Variants in ATL2 observed in about 807,000 individuals in gnomAD.
The protein encoded by ATL2 is atlastin-2.
ATL2 carries 31 observed loss-of-function variants against 73.9 expected under a neutral mutation model. The ratio of observed to expected loss-of-function variants is 0.42; its 90% confidence interval spans 0.32 to 0.57. ATL2 has a LOEUF of 0.57. Ranked by LOEUF, ATL2 falls within the 20% of genes least tolerant of loss-of-function variation. The pLI is 0.14. For missense variants in ATL2, 738 were observed against 702.6 expected, an observed-to-expected ratio of 1.05 and a Z score of -0.57; for synonymous variants, 291 against 237.5, an observed-to-expected ratio of 1.23 and a Z score of -2.07.
intron 9 of ATL2, among the ~76,000 whole-genome samples, chr2:38,300,631 T>C (rs924307975): frequency 4.6e-5 from 7 of 152,090 alleles, no homozygotes; most frequent in African/African-American, 1.7e-4. Context: ...TTGCCAGTGT[T>C]TTAATATTTT....
intron 1 of ATL2, among the ~76,000 whole-genome samples, chr2:38,375,110 G>C (rs1331858532): frequency 1.3e-5 from 2 of 152,090 alleles, no homozygotes; most frequent in African/African-American, 2.4e-5. Flanking sequence ...ATTCCTAAAA[G>C]AATAAACACA....
At chr2:38,310,581 T>A (rs1399324103) in intron 7 of ATL2, 134 bp from the exon 8 acceptor site, 3 of 530,220 alleles carry the variant, frequency 5.7e-6, no homozygotes, top group Non-Finnish European at 5.8e-6. Flanking sequence ...TTTTTGACAA[T>A]ACAAAAAATT....
At chr2:38,355,868 G>C (rs1253057150) in intron 1 of ATL2, among the ~76,000 whole-genome samples, 1 of 151,520 alleles carries the variant, frequency 6.6e-6, no homozygotes, top group Admixed American at 6.6e-5. Context: ...CCTAATTTTT[G>C]TATTTTTAGT....
At chr2:38,296,690 C>T in intron 12 of ATL2, 1 of 1,559,358 alleles carries the variant, frequency 6.4e-7, no homozygotes, top group Non-Finnish European at 8.7e-7. Flanking sequence ...TCTCACCTTC[C>T]TGGGACTCCT....
chr2:38,355,368 G>A (rs967133648), intron 1 of ATL2, among the ~76,000 whole-genome samples: 6 of 151,926 alleles, frequency 3.9e-5, no homozygotes, highest in African/African-American at 1.5e-4. Flanking sequence ...CTCCCTCATC[G>A]GCCTCCCAAA....
intron 1 of ATL2, among the ~76,000 whole-genome samples, chr2:38,357,363 T>C (rs970887034): frequency 6.6e-6 from 1 of 151,444 alleles, no homozygotes; most frequent in Non-Finnish European, 1.5e-5. Flanking sequence ...TTATAGTTAC[T>C]ATATATATGT....
In ATL2 at chr2:38,354,442, G is replaced by T. The variant is rs374417861; in HGVS notation, c.119-10930C>A. On this transcript the variant is annotated intron_variant, in intron 1 of 12. Coordinates refer to ENST00000378954, the MANE Select transcript of ATL2 (RefSeq NM_001135673.4). ...AAAATTTTAAAAGACATGTTATGAGGCAAAGTAAATGAAATTACACCCTAA... is the reference window on the plus strand; with the variant it reads ...AAAATTTTAAAAGACATGTTATGAGTCAAAGTAAATGAAATTACACCCTAA... Among the ~76,000 whole-genome samples the T allele has an allele frequency of 1.4e-4, 22 of 152,188 alleles. No individual in the cohort carries two copies. The East Asian group carries it at 4.2e-3, about 29-fold the overall frequency.
At chr2:38,337,312 C>G (rs1407855313) in intron 2 of ATL2, among the ~76,000 whole-genome samples, 10 of 151,004 alleles carry the variant, frequency 6.6e-5, no homozygotes, top group African/African-American at 2.4e-4. Flanking sequence ...TGGTGAAACC[C>G]CTATCTCTAT....
chr2:38,315,164 T>A lies in ATL2; in HGVS notation c.654+120A>T, dbSNP rs150251454. Reference sequence around the variant, plus strand: ...TACTTGGGAGGCTGAGGCAGGAGAATCCCTTGAACTTGGGAGGGGGAGGTT... The same window carrying A: ...TACTTGGGAGGCTGAGGCAGGAGAAACCCTTGAACTTGGGAGGGGGAGGTT... On this transcript the variant is annotated intron_variant, in intron 5 of 12. Coordinates refer to ENST00000378954, the MANE Select transcript of ATL2 (RefSeq NM_001135673.4). The A allele has an allele frequency of 7.1e-4, 711 of 1,005,438 alleles. 6 individuals carry two copies. The East Asian group carries it at 0.022, about 31-fold the overall frequency. 62.3% of individuals were successfully genotyped at this position (1,005,438 alleles called of 1,614,324 possible).
intron 2 of ATL2, among the ~76,000 whole-genome samples, chr2:38,333,013 G>A (rs1669090274): frequency 6.6e-6 from 1 of 152,166 alleles, no homozygotes; most frequent in South Asian, 2.1e-4. Flanking sequence ...GCAACAGAGT[G>A]AGACTTGATC....
Position 38,369,510 on chromosome 2 carries a change from A to T in ATL2, c.118+7633T>A, listed in dbSNP as rs1671542303. Among the ~76,000 whole-genome samples the T allele has an allele frequency of 2.0e-5, 3 of 150,834 alleles. No individual in the cohort carries two copies. In the South Asian group the frequency reaches 6.3e-4, roughly 32 times the overall value. ...ACTATGTTGGTCAGGCTGGTCTCGAACTCCTGACTTTGTCATCCACCCGCC... is the reference window on the plus strand; with the variant it reads ...ACTATGTTGGTCAGGCTGGTCTCGATCTCCTGACTTTGTCATCCACCCGCC... On this transcript the variant is annotated intron_variant, in intron 1 of 12. Transcript: ENST00000378954.
At position 38,375,627 on chromosome 2, in the gene ATL2, C is replaced by CA. The variant is rs376199618; in HGVS notation, c.118+1515dup. On this transcript the variant is annotated intron_variant, in intron 1 of 12. Transcript: ENST00000378954. Reference sequence around the variant, plus strand: ...GAAACTGCATCTAAAACTCTTACCTCAAAAAAAGGAAAGAAAGAAAGAGAA... The same window carrying CA: ...GAAACTGCATCTAAAACTCTTACCTCAAAAAAAAGGAAAGAAAGAAAGAGAA... 2.3e-3 allele frequency among the ~76,000 whole-genome samples: 354 copies of CA among 151,980 alleles called. 5 individuals carry two copies. The highest frequency in any genetic ancestry group is 8.2e-3 in the African/African-American group (341 of 41,470).
chr2:38,310,707 G>A (rs1013956445), intron 7 of ATL2, among the ~76,000 whole-genome samples: 13 of 148,400 alleles, frequency 8.8e-5, no homozygotes, highest in East Asian at 2.0e-4. Context: ...GTGCAATCTC[G>A]GCTCACCGCA....
At chr2:38,364,768 G>C (rs1671209370) in intron 1 of ATL2, among the ~76,000 whole-genome samples, 1 of 152,244 alleles carries the variant, frequency 6.6e-6, no homozygotes, top group South Asian at 2.1e-4. Context: ...TTGTTGGCTA[G>C]GCACAGTGGC....
chr2:38,354,344 T>A (rs1168060770), intron 1 of ATL2, among the ~76,000 whole-genome samples: 2 of 152,226 alleles, frequency 1.3e-5, no homozygotes, highest in Non-Finnish European at 2.9e-5. Context: ...TATAAAAGAC[T>A]GGTTCTTTCT....
At chr2:38,337,316 T>A (rs1014799169) in intron 2 of ATL2, among the ~76,000 whole-genome samples, 2 of 150,912 alleles carry the variant, frequency 1.3e-5, no homozygotes, top group African/African-American at 2.4e-5. Context: ...GAAACCCCTA[T>A]CTCTATTAAA....
chr2:38,366,033 A>G (rs1671311177), intron 1 of ATL2, among the ~76,000 whole-genome samples: 1 of 152,054 alleles, frequency 6.6e-6, no homozygotes, highest in Non-Finnish European at 1.5e-5. Flanking sequence ...CCGTGAAAAG[A>G]AGGGAATGGT....
At chr2:38,303,235 T>C (rs1204231557) in intron 9 of ATL2, among the ~76,000 whole-genome samples, 1 of 152,146 alleles carries the variant, frequency 6.6e-6, no homozygotes, top group Non-Finnish European at 1.5e-5. Flanking sequence ...AGACAGGGTT[T>C]TGCTCTGTCT....
upstream of ATL2, chr2:38,377,409 C>A (rs1244162600): frequency 4.8e-6 from 3 of 628,046 alleles, no homozygotes; most frequent in Admixed American, 6.9e-5. Flanking sequence ...CCTCGCCCTC[C>A]GCCTGTATCT....
Sources: allele counts gnomAD v4.1 joint callset (sites outside exome capture counted in the v4.1 genomes callset), GRCh38; gene constraint gnomAD v4.1.1; transcripts MANE v1.5; gene names NCBI Gene and HGNC (gene_info 2026-07-23, HGNC 2026-07-21).